Variants in ESRRG observed in about 807,000 individuals in gnomAD.
The protein encoded by ESRRG is estrogen related receptor gamma.
A neutral mutation model predicts 44.0 loss-of-function variants in ESRRG; 13 were observed. The observed-to-expected ratio is 0.30, with a 90% CI of 0.19 to 0.47. The LOEUF is 0.47. ESRRG is among the 20% of genes least tolerant of loss of function. ESRRG has a pLI of 1.00. For missense variants in ESRRG, 395 were observed against 580.6 expected, an observed-to-expected ratio of 0.68 and a Z score of 3.29; for synonymous variants, 215 against 214.6, an observed-to-expected ratio of 1.00 and a Z score of -0.02.
intron 1 of ESRRG, among the ~76,000 whole-genome samples, chr1:216,944,549 T>C (rs1426192704): frequency 6.6e-6 from 1 of 152,152 alleles, no homozygotes; most frequent in Non-Finnish European, 1.5e-5. Flanking sequence ...AAGTTCTTCT[T>C]GGTTTATCAT....
intron 1 of ESRRG, among the ~76,000 whole-genome samples, chr1:217,135,538 CGGCGGCGGTGTT>C (rs1405366076): frequency 2.0e-5 from 3 of 151,376 alleles, no homozygotes; most frequent in African/African-American, 7.3e-5. Flanking sequence ...GCGGCGGCGG[CGGCGGCGGTGTT>C]GGCGGCGGCG....
chr1:217,026,912 C>CACACACACAGAG (rs1255637839), intron 1 of ESRRG, among the ~76,000 whole-genome samples: 2 of 93,472 alleles, frequency 2.1e-5, no homozygotes, highest in Non-Finnish European at 4.3e-5. Flanking sequence ...CACACACACA[C>CACACACACAGAG]AGAGAGAGAG....
chr1:216,970,261 T>G (rs543954782), intron 1 of ESRRG, among the ~76,000 whole-genome samples: 1 of 152,284 alleles, frequency 6.6e-6, no homozygotes. Context: ...TAATGTGCAG[T>G]TGGGTAAATG....
At chr1:216,715,086 C>A (rs2084543526) in intron 1 of ESRRG, 2 of 985,432 alleles carry the variant, frequency 2.0e-6, no homozygotes, top group South Asian at 4.7e-5. Flanking sequence ...GAGCCCAACT[C>A]CTGATGCTGT....
At chr1:216,848,372 C>A (rs12402472) in intron 2 of ESRRG, among the ~76,000 whole-genome samples, 7,067 of 150,772 alleles carry the variant, frequency 0.047, 402 homozygotes, top group Admixed American at 0.14. Context: ...CAGCAGTCAT[C>A]ACAAAGCTAG....
chr1:216,958,468 G>A (rs1038253949), intron 1 of ESRRG, among the ~76,000 whole-genome samples: 1 of 151,738 alleles, frequency 6.6e-6, no homozygotes, highest in Admixed American at 6.6e-5. Flanking sequence ...TTTTAATTTT[G>A]GCCATATTAA....
intron 2 of ESRRG, among the ~76,000 whole-genome samples, chr1:216,912,246 GAGA>G (rs2060544049): frequency 3.3e-5 from 2 of 59,954 alleles, no homozygotes; most frequent in African/African-American, 1.1e-4. Context: ...GAGAGGAGAG[GAGA>G]GGAGAGGAGA....
At chr1:216,778,271 C>T (rs766087643) in intron 2 of ESRRG, among the ~76,000 whole-genome samples, 1 of 151,980 alleles carries the variant, frequency 6.6e-6, no homozygotes, top group Non-Finnish European at 1.5e-5. Flanking sequence ...CTCCAAAGTT[C>T]AAATGCCTCT....
At chr1:216,954,612 G>C (rs2067604513) in intron 1 of ESRRG, among the ~76,000 whole-genome samples, 1 of 152,138 alleles carries the variant, frequency 6.6e-6, no homozygotes, top group Non-Finnish European at 1.5e-5. Context: ...ATCATGCCTT[G>C]AGCATTCCAC....
At chr1:216,598,195 T>A (rs920017295) in intron 3 of ESRRG, among the ~76,000 whole-genome samples, 2 of 152,126 alleles carry the variant, frequency 1.3e-5, no homozygotes, top group African/African-American at 4.8e-5. Flanking sequence ...TTATAGGAAA[T>A]ATAGAACTGT....
intron 1 of ESRRG, among the ~76,000 whole-genome samples, chr1:216,988,628 G>A (rs2075236662): frequency 6.6e-6 from 1 of 152,112 alleles, no homozygotes; most frequent in Non-Finnish European, 1.5e-5. Flanking sequence ...TCCATACTTA[G>A]TTCCTCTTTA....
chr1:216,711,817 T>G (rs1388997627), intron 1 of ESRRG, among the ~76,000 whole-genome samples: 1 of 152,190 alleles, frequency 6.6e-6, no homozygotes, highest in Non-Finnish European at 1.5e-5. Flanking sequence ...GAAAAATAAT[T>G]TTAAAAAAGT....
chr1:217,011,804 T>C (rs1175175881), intron 1 of ESRRG, among the ~76,000 whole-genome samples: 1 of 152,162 alleles, frequency 6.6e-6, no homozygotes, highest in African/African-American at 2.4e-5. Flanking sequence ...GGCTACTCTG[T>C]CCCCAGGCTC....
chr1:216,569,952 C>T (rs1378476631), intron 3 of ESRRG, among the ~76,000 whole-genome samples: 2 of 152,118 alleles, frequency 1.3e-5, no homozygotes, highest in Non-Finnish European at 2.9e-5. Context: ...CGATTAATGT[C>T]ACGCAGAATA....
intron 2 of ESRRG, among the ~76,000 whole-genome samples, chr1:216,843,613 A>G (rs2095689097): frequency 6.6e-6 from 1 of 152,144 alleles, no homozygotes; most frequent in South Asian, 2.1e-4. Flanking sequence ...TGATCCAATT[A>G]ATGGTGGGAT....
At chr1:216,987,516 G>T (rs536317338) in intron 1 of ESRRG, among the ~76,000 whole-genome samples, 4 of 152,218 alleles carry the variant, frequency 2.6e-5, no homozygotes, top group Non-Finnish European at 5.9e-5. Flanking sequence ...TCTTTGAGGT[G>T]AAATCAAATT....
At chr1:216,544,437 G>GT (rs2053839523) in intron 5 of ESRRG, among the ~76,000 whole-genome samples, 1 of 151,964 alleles carries the variant, frequency 6.6e-6, no homozygotes, top group East Asian at 1.9e-4. Context: ...GAGATCCAGG[G>GT]TTGTAAGGAG....
chr1:216,620,926 A>G (rs2062123950), intron 3 of ESRRG, among the ~76,000 whole-genome samples: 1 of 152,222 alleles, frequency 6.6e-6, no homozygotes, highest in African/African-American at 2.4e-5. Context: ...TGTTTGGCTT[A>G]CCAATCTGAA....
intron 4 of ESRRG, among the ~76,000 whole-genome samples, chr1:216,565,983 TG>T (rs2059620266): frequency 2.4e-5 from 1 of 41,924 alleles, no homozygotes; most frequent in Non-Finnish European, 6.0e-5. Flanking sequence ...TGATTCTAGT[TG>T]TTTTTTTTTT....
Sources: gnomAD v4.1 joint callset for allele counts (sites outside exome capture counted in the v4.1 genomes callset) on GRCh38, gnomAD v4.1.1 for gene constraint, MANE v1.5 for transcripts, NCBI Gene and HGNC (gene_info 2026-07-23, HGNC 2026-07-21) for gene names.